DPP10: variants seen among roughly 807,000 people sequenced by gnomAD.
DPP10 encodes inactive dipeptidyl peptidase 10.
A neutral mutation model predicts 120.9 loss-of-function variants in DPP10; 33 were observed. That is an observed-to-expected ratio of 0.27 (90% CI 0.21 to 0.37). DPP10 has a LOEUF of 0.37. Ranked by LOEUF, DPP10 falls within the 10% of genes least tolerant of loss-of-function variation. The pLI, the probability that DPP10 is intolerant of heterozygous loss-of-function variation, is 1.00. For missense variants in DPP10, 816 were observed against 942.8 expected, an observed-to-expected ratio of 0.87 and a Z score of 1.76; for synonymous variants, 337 against 326.1, an observed-to-expected ratio of 1.03 and a Z score of -0.36.
intron 1 of DPP10, among the ~76,000 whole-genome samples, chr2:114,520,632 A>G (rs1424992158): frequency 1.3e-5 from 2 of 152,242 alleles, no homozygotes; most frequent in Non-Finnish European, 2.9e-5. Flanking sequence ...AGTGTCCATC[A>G]ATATGAAGAA....
intron 2 of DPP10, among the ~76,000 whole-genome samples, chr2:115,311,517 A>C (rs994238289): frequency 6.6e-6 from 1 of 152,156 alleles, no homozygotes; most frequent in African/African-American, 2.4e-5. Flanking sequence ...ATTTAACCTG[A>C]AGTTAGTCTC....
chr2:114,898,137 G>A (rs1303716410), intron 1 of DPP10, among the ~76,000 whole-genome samples: 1 of 152,170 alleles, frequency 6.6e-6, no homozygotes, highest in African/African-American at 2.4e-5. Context: ...AGAAAATGTG[G>A]CACATATTCA....
intron 3 of DPP10, among the ~76,000 whole-genome samples, chr2:115,396,560 G>C (rs2067693013): frequency 6.6e-6 from 1 of 152,194 alleles, no homozygotes; most frequent in South Asian, 2.1e-4. Context: ...GTCAAAATGA[G>C]AAAAGGGACC....
intron 1 of DPP10, among the ~76,000 whole-genome samples, chr2:114,975,630 A>G (rs1699705735): frequency 6.6e-6 from 1 of 152,124 alleles, no homozygotes; most frequent in African/African-American, 2.4e-5. Flanking sequence ...AAATCAGTGA[A>G]CAATTGCTTT....
At chr2:114,812,380 C>G (rs1685248576) in intron 1 of DPP10, among the ~76,000 whole-genome samples, 1 of 152,074 alleles carries the variant, frequency 6.6e-6, no homozygotes, top group African/African-American at 2.4e-5. Context: ...AGTGGAAGGA[C>G]TGCTTGAGCC....
chr2:115,059,809 C>A (rs1706254723), intron 1 of DPP10, among the ~76,000 whole-genome samples: 1 of 151,312 alleles, frequency 6.6e-6, no homozygotes, highest in Non-Finnish European at 1.5e-5. Flanking sequence ...GCGGTTAGTT[C>A]TACTGGAGAC....
intron 5 of DPP10, among the ~76,000 whole-genome samples, chr2:115,636,274 A>C (rs1179763357): frequency 6.6e-6 from 1 of 152,184 alleles, no homozygotes; most frequent in Non-Finnish European, 1.5e-5. Flanking sequence ...ATAGGGGAAA[A>C]CATCAACTAT....
intron 1 of DPP10, among the ~76,000 whole-genome samples, chr2:114,675,827 G>A (rs1698636616): frequency 6.6e-6 from 1 of 150,488 alleles, no homozygotes; most frequent in Admixed American, 6.6e-5. Flanking sequence ...TTTTGATGGG[G>A]TCTTGCCCTG....
At chr2:114,792,182 CAG>C (rs1292017855) in intron 1 of DPP10, among the ~76,000 whole-genome samples, 1 of 151,942 alleles carries the variant, frequency 6.6e-6, no homozygotes, top group African/African-American at 2.4e-5. Context: ...AATAAATAAA[CAG>C]AAAATCTTTA....
chr2:115,080,419 T>C (rs944297533), intron 1 of DPP10, among the ~76,000 whole-genome samples: 2 of 152,216 alleles, frequency 1.3e-5, no homozygotes, highest in African/African-American at 4.8e-5. Context: ...AAATGGCTCA[T>C]GAGTACAGCT....
Position 115,725,221 on chromosome 2 carries a change from A to G in DPP10, c.577-2595A>G, listed in dbSNP as rs545169385. 8.1e-4 allele frequency among the ~76,000 whole-genome samples: 123 copies of G among 152,238 alleles called. 1 individual carries two copies. Among genetic ancestry groups the G allele is most frequent in the Non-Finnish European group, 1.4e-3 (96 of 68,040 alleles). On this transcript the variant is annotated intron_variant, in intron 7 of 25. Coordinates refer to ENST00000410059, the MANE Select transcript of DPP10 (RefSeq NM_020868.6). ...CCCTTGATCATTGTCATTGGGGTCCAGTTTAATTTCCTCAGAGTGCTCAGA... is the reference window on the plus strand; with the variant it reads ...CCCTTGATCATTGTCATTGGGGTCCGGTTTAATTTCCTCAGAGTGCTCAGA...
chr2:115,414,626 G>A (rs1424643348), intron 3 of DPP10, among the ~76,000 whole-genome samples: 1 of 152,100 alleles, frequency 6.6e-6, no homozygotes, highest in African/African-American at 2.4e-5. Flanking sequence ...TTTTGAGCGT[G>A]ATATGTATGT....
intron 1 of DPP10, among the ~76,000 whole-genome samples, chr2:114,800,662 C>G (rs1684115542): frequency 6.6e-6 from 1 of 152,170 alleles, no homozygotes; most frequent in Non-Finnish European, 1.5e-5. Flanking sequence ...CCAGCCTGAT[C>G]AGATTTTATC....
intron 1 of DPP10, among the ~76,000 whole-genome samples, chr2:115,105,819 C>G: frequency 6.6e-6 from 1 of 152,200 alleles, no homozygotes. Context: ...GAATCATTCA[C>G]TCTTTTGTTT....
chr2:115,007,000 G>A (rs4514881), intron 1 of DPP10, among the ~76,000 whole-genome samples: 1 of 151,868 alleles, frequency 6.6e-6, no homozygotes, highest in East Asian at 1.9e-4. Context: ...TAAAAGAACA[G>A]AAATTATAAC....
At chr2:115,176,610 A>C (rs1220150590) in intron 1 of DPP10, among the ~76,000 whole-genome samples, 1 of 152,200 alleles carries the variant, frequency 6.6e-6, no homozygotes, top group African/African-American at 2.4e-5. Flanking sequence ...CTGATCAATA[A>C]ATCATATTTG....
intron 1 of DPP10, among the ~76,000 whole-genome samples, chr2:115,096,557 A>C (rs1709761855): frequency 6.6e-6 from 1 of 152,152 alleles, no homozygotes; most frequent in African/African-American, 2.4e-5. Flanking sequence ...ATATACATAT[A>C]CACATACATA....
At chr2:114,951,590 T>C (rs897042118) in intron 1 of DPP10, among the ~76,000 whole-genome samples, 1 of 152,222 alleles carries the variant, frequency 6.6e-6, no homozygotes, top group Non-Finnish European at 1.5e-5. Context: ...AAGAAGGTTT[T>C]TTAATAAGAA....
intron 1 of DPP10, chr2:114,461,499 C>T (rs57006859): frequency 0.16 from 134,571 of 840,274 alleles, 11,184 homozygotes; most frequent in South Asian, 0.28. Context: ...TCTCCCTCAA[C>T]CAATTAGCCT....
Sources: gnomAD v4.1 joint callset for allele counts (sites outside exome capture counted in the v4.1 genomes callset) on GRCh38, gnomAD v4.1.1 for gene constraint, MANE v1.5 for transcripts, NCBI Gene and HGNC (gene_info 2026-07-23, HGNC 2026-07-21) for gene names.